Variants in PLXDC1 observed in about 807,000 individuals in gnomAD.
PLXDC1 encodes plexin domain containing 1, also known as plexin domain-containing protein 1.
Under a neutral mutation model 61.3 loss-of-function variants are expected in PLXDC1, and 39 were observed. That is an observed-to-expected ratio of 0.64 (90% confidence interval 0.49 to 0.83). The LOEUF is 0.83. Among genes scored for constraint, PLXDC1 ranks in the 40% least tolerant of loss-of-function variants. The pLI, the probability that PLXDC1 is intolerant of heterozygous loss-of-function variation, is 0.00. For synonymous variants in PLXDC1, 212 were observed against 254.5 expected (o/e 0.83, Z 1.59); for missense variants, 596 against 666.5 (o/e 0.89, Z 1.17).
intron 9 of PLXDC1, 118 bp downstream of exon 9, chr17:39,083,341 G>A: frequency 1.3e-6 from 1 of 766,546 alleles, no homozygotes; most frequent in Non-Finnish European, 2.3e-6. Flanking sequence ...GAGTGGTACT[G>A]GCCAGAGATA....
chr17:39,139,637 G>C lies in PLXDC1; in HGVS notation c.255+17C>G. On this transcript the variant is annotated intron_variant, in intron 2 of 13. Coordinates refer to ENST00000315392, the MANE Select transcript of PLXDC1 (RefSeq NM_020405.5). The stretch of plus-strand genomic sequence containing the variant: ...CACCCCCACTTCGCTCCCCCTCCAT[G>C]TTCCTCCAGCACTCACCACCACCCT... The C allele has an allele frequency of 6.4e-7, 1 of 1,564,476 alleles. No homozygotes were observed. Among genetic ancestry groups the C allele is most frequent in the South Asian group, 1.1e-5 (1 of 87,098 alleles).
At chr17:39,152,596 G>A, upstream of PLXDC1, 3 of 1,252,774 alleles carry the variant, frequency 2.4e-6, no homozygotes, top group Non-Finnish European at 2.0e-6. Flanking sequence ...GGGAGACGGG[G>A]TGAGGGGGCA....
At chr17:39,104,389 G>A (rs1910524959) in intron 7 of PLXDC1, among the ~76,000 whole-genome samples, 1 of 152,116 alleles carries the variant, frequency 6.6e-6, no homozygotes, top group East Asian at 1.9e-4. Context: ...AGAAGGTACT[G>A]GGTAAGGCCT....
intron 1 of PLXDC1, among the ~76,000 whole-genome samples, chr17:39,141,061 GCT>G (rs1555574148): frequency 2.0e-5 from 3 of 152,156 alleles, no homozygotes; most frequent in Non-Finnish European, 4.4e-5. Flanking sequence ...ATGGGGCCTT[GCT>G]CTGTCACCCA....
At chr17:39,109,456 C>T (rs541386334) in intron 2 of PLXDC1, 65 bp from the exon 3 acceptor site, 565 of 1,520,250 alleles carry the variant, frequency 3.7e-4, no homozygotes, top group East Asian at 4.9e-4. Flanking sequence ...ACTGACTCTC[C>T]GCCCTTCCCC....
intron 2 of PLXDC1, among the ~76,000 whole-genome samples, chr17:39,121,365 A>T (rs1404005133): frequency 6.6e-6 from 1 of 152,102 alleles, no homozygotes; most frequent in East Asian, 1.9e-4. Flanking sequence ...AGGATCACTT[A>T]CTCAAGGCTT....
intron 4 of PLXDC1, 39 bp from the exon 5 acceptor site, chr17:39,108,284 C>T: frequency 6.2e-7 from 1 of 1,609,318 alleles, no homozygotes; most frequent in South Asian, 1.1e-5. Context: ...CCAGAAATGG[C>T]CCAGAGGGGC....
intron 1 of PLXDC1, among the ~76,000 whole-genome samples, chr17:39,142,190 A>AC (rs1381079647): frequency 1.2e-4 from 18 of 151,528 alleles, no homozygotes; most frequent in South Asian, 6.3e-4. Flanking sequence ...AATAAAATTA[A>AC]CCCCCCCTTG....
chr17:39,094,530 A>T (rs908160831), intron 7 of PLXDC1, among the ~76,000 whole-genome samples: 6 of 151,602 alleles, frequency 4.0e-5, no homozygotes, highest in Non-Finnish European at 7.4e-5. Flanking sequence ...CAACTCCCTG[A>T]GCAATGTCCA....
chr17:39,146,259 T>C (rs1273649871), intron 1 of PLXDC1, among the ~76,000 whole-genome samples: 2 of 152,102 alleles, frequency 1.3e-5, no homozygotes, highest in African/African-American at 2.4e-5. Context: ...TTAGCAGAGA[T>C]GGGGTTTCAC....
intron 2 of PLXDC1, chr17:39,126,954 A>G (rs1379681941): frequency 6.6e-6 from 1 of 152,032 alleles, no homozygotes; most frequent in Non-Finnish European, 1.5e-5. Context: ...GACATTCCAC[A>G]TTTCCCACGA....
chr17:39,105,794 G>A (rs1392102120), intron 7 of PLXDC1, 60 bp downstream of exon 7: 3 of 1,064,032 alleles, frequency 2.8e-6, no homozygotes, highest in African/African-American at 3.1e-5. Context: ...AGCAGCTCAG[G>A]TTCAGTCTGA....
At chr17:39,150,109 G>A (rs1384979766) in intron 1 of PLXDC1, among the ~76,000 whole-genome samples, 5 of 152,172 alleles carry the variant, frequency 3.3e-5, no homozygotes, top group Non-Finnish European at 7.3e-5. Context: ...CAGCAAGTGA[G>A]ATGGCGGGAC....
chr17:39,106,324 C>G (rs1184036368), intron 6 of PLXDC1, among the ~76,000 whole-genome samples: 1 of 152,126 alleles, frequency 6.6e-6, no homozygotes, highest in Non-Finnish European at 1.5e-5. Flanking sequence ...CTACTCTAAG[C>G]TGCTGTCACC....
intron 8 of PLXDC1, among the ~76,000 whole-genome samples, chr17:39,087,386 CAG>C (rs1228498778): frequency 1.3e-5 from 2 of 152,202 alleles, no homozygotes; most frequent in Admixed American, 6.5e-5. Context: ...CCATCAATGT[CAG>C]AGCTGCGGCC....
At chr17:39,136,484 G>A (rs958762200) in intron 2 of PLXDC1, among the ~76,000 whole-genome samples, 1 of 152,136 alleles carries the variant, frequency 6.6e-6, no homozygotes, top group Non-Finnish European at 1.5e-5. Flanking sequence ...CTGGCCTCAA[G>A]GGATCCTCCC....
intron 7 of PLXDC1, among the ~76,000 whole-genome samples, chr17:39,098,668 C>T (rs1416875508): frequency 6.6e-6 from 1 of 152,130 alleles, no homozygotes; most frequent in Non-Finnish European, 1.5e-5. Flanking sequence ...AAGAGGAAGC[C>T]GTGAATTCCA....
At chr17:39,131,537 G>A (rs1411810777) in intron 2 of PLXDC1, among the ~76,000 whole-genome samples, 1 of 151,974 alleles carries the variant, frequency 6.6e-6, no homozygotes, top group African/African-American at 2.4e-5. Flanking sequence ...ATTTTTAGTA[G>A]AGACGGGGTT....
chr17:39,122,931 G>T (rs1357795285), intron 2 of PLXDC1, among the ~76,000 whole-genome samples: 4 of 152,208 alleles, frequency 2.6e-5, no homozygotes, highest in Non-Finnish European at 5.9e-5. Context: ...ATTGGGAGAA[G>T]GACAGAGAAG....
Sources: gnomAD v4.1 joint callset for allele counts (sites outside exome capture counted in the v4.1 genomes callset) on GRCh38, gnomAD v4.1.1 for gene constraint, MANE v1.5 for transcripts, NCBI Gene and HGNC (gene_info 2026-07-23, HGNC 2026-07-21) for gene names.